RFNG: variants seen among roughly 807,000 people sequenced by gnomAD.
RFNG encodes the protein beta-1,3-N-acetylglucosaminyltransferase radical fringe.
Under a neutral mutation model 29.6 loss-of-function variants are expected in RFNG, and 37 were observed. That is an observed-to-expected ratio of 1.25 (90% CI 0.96 to 1.65). RFNG has a LOEUF of 1.65. Among genes scored for constraint, RFNG ranks in the 40% most tolerant of loss-of-function variants. The probability of loss-of-function intolerance (pLI) is 0.00; values close to 1 mark genes in which losing one functional copy is unlikely to be tolerated. For missense variants in RFNG, 546 were observed against 457.0 expected, an observed-to-expected ratio of 1.19 and a Z score of -1.78; for synonymous variants, 276 against 197.3, an observed-to-expected ratio of 1.40 and a Z score of -3.34.
intron 2 of RFNG, 49 bp from the exon 3 acceptor site, chr17:82,050,813 T>G: frequency 6.3e-7 from 1 of 1,582,610 alleles, no homozygotes; most frequent in Non-Finnish European, 8.6e-7. Flanking sequence ...GCACTGGGGT[T>G]GGGGTAAGGC....
rs2030468811 is a variant in RFNG at position 82,051,026 on chromosome 17, C to A, written c.317-262G>T. ...CTCGCCCTGACCTGGCCTGGAAGGG[C>A]GGATTCCCTGCTGGCGCTTCTTCAG... On this transcript the variant is annotated intron_variant, in intron 2 of 7. Coordinates refer to ENST00000310496, the MANE Select transcript of RFNG (RefSeq NM_002917.2). This position sits in a 1 kb window ranked among gnomAD's most constrained non-coding sequence, Gnocchi z 4.1. 5 of 1,394,626 alleles carry A rather than the reference C, an allele frequency of 3.6e-6. No individual in the cohort carries two copies. In the East Asian group the frequency reaches 1.3e-4, roughly 38 times the overall value. 86.4% of individuals were successfully genotyped at this position (1,394,626 alleles called of 1,614,324 possible).
Position 82,051,419 on chromosome 17 carries a change from G to A in RFNG, c.268-77C>T, listed in dbSNP as rs1168584553. 4.3e-6 allele frequency: 6 copies of A among 1,389,696 alleles called. No individual in the cohort carries two copies. Among genetic ancestry groups the A allele is most frequent in the South Asian group, 1.8e-5 (1 of 56,216 alleles). The allele number at this position is 1,389,696 out of a possible 1,614,324, so 86.1% of individuals were successfully genotyped here. On this transcript the variant is annotated intron_variant, in intron 1 of 7. Coordinates refer to ENST00000310496, the MANE Select transcript of RFNG (RefSeq NM_002917.2). This position sits in a 1 kb window ranked among gnomAD's most constrained non-coding sequence, Gnocchi z 4.1. Reference sequence around the variant, plus strand: ...CCGACCCGCCCCGCGCGGAGCCTCCGGGGGCCTGGGCCGGGCCTAGACCCT... The same window carrying A: ...CCGACCCGCCCCGCGCGGAGCCTCCAGGGGCCTGGGCCGGGCCTAGACCCT...
intron 7 of RFNG, 70 bp downstream of exon 7, chr17:82,048,961 C>G (rs533533309): frequency 1.3e-6 from 2 of 1,536,030 alleles, no homozygotes; most frequent in African/African-American, 2.7e-5. Context: ...GGGTCAGGGC[C>G]GTGGGTAGAG....
rs372010320 is a variant in RFNG at position 82,049,767 on chromosome 17, C to T, written c.738G>A (p.Gly246=). The change falls in exon 6 of 8, where the codon GGG becomes GGA. Residue 246 remains glycine, a synonymous_variant. Coordinates refer to ENST00000310496, the MANE Select transcript of RFNG (RefSeq NM_002917.2). ...TGTGCAGCAGGCGGGCGCCCAGGAG[C>T]CCCTCCACGATGTAGCCAACTGTGC... is the stretch of plus-strand genomic sequence containing the variant. ...DDCTVGYIVE[G]LLGARLLHSP... 56 of 1,524,952 alleles carry T rather than the reference C, an allele frequency of 3.7e-5. No homozygotes were observed. The highest frequency in any genetic ancestry group is 2.8e-5 in the Non-Finnish European group (32 of 1,139,700). 94.5% of individuals were successfully genotyped at this position (1,524,952 alleles called of 1,614,324 possible).
chr17:82,050,443 G>C lies in RFNG; in HGVS notation c.532C>G (p.His178Asp). The part of the protein sequence containing the change: ...DVYLGRPSLD[H>D]PIEATERVQG... Reference sequence around the variant, plus strand: ...ACCCTCTCGGTGGCCTCAATGGGGTGGTCCAGGCTGGGCCGCCCCAGGTAG... The same window carrying C: ...ACCCTCTCGGTGGCCTCAATGGGGTCGTCCAGGCTGGGCCGCCCCAGGTAG... The change falls in exon 4 of 8, where the codon CAC (histidine) becomes GAC (aspartate). Residue 178 changes from histidine to aspartate, a missense_variant. By Grantham distance (81) the His-to-Asp change is moderately conservative. Coordinates refer to ENST00000310496, the MANE Select transcript of RFNG (RefSeq NM_002917.2). The C allele has an allele frequency of 6.2e-7, 1 of 1,610,488 alleles. No individual in the cohort carries two copies. Among genetic ancestry groups the C allele is most frequent in the Non-Finnish European group, 8.5e-7 (1 of 1,179,046 alleles).
Position 82,049,696 on chromosome 17 carries a change from G to A in RFNG, c.809C>T (p.Pro270Leu), listed in dbSNP as rs1426835718. The change falls in exon 6 of 8, where the codon CCC (proline) becomes CTC (leucine). Residue 270 changes from proline (P) to leucine (L), a missense_variant. Pro to Leu is a moderately conservative substitution (Grantham distance 98). Coordinates refer to ENST00000310496, the MANE Select transcript of RFNG (RefSeq NM_002917.2). ...SHLENLQRLPPDTLLQQVTLS... is the reference protein window; with the variant it reads ...SHLENLQRLPLDTLLQQVTLS... ...CTGTACCTGCTGGAGCAGGGTGTCGGGCGGCAGCCTCTGCAGGTTCTCCAG... is the reference window on the plus strand; with the variant it reads ...CTGTACCTGCTGGAGCAGGGTGTCGAGCGGCAGCCTCTGCAGGTTCTCCAG... The A allele has an allele frequency of 6.8e-7, 1 of 1,480,246 alleles. No individual in the cohort carries two copies. The highest frequency in any genetic ancestry group is 1.4e-5 in the African/African-American group (1 of 70,640). 91.7% of individuals were successfully genotyped at this position (1,480,246 alleles called of 1,614,324 possible). A position where few individuals can be genotyped will look rare whatever the true frequency, so the allele number is the denominator to read the frequency against.
At chr17:82,050,810 G>A in intron 2 of RFNG, 46 bp from the exon 3 acceptor site, 15 of 1,586,128 alleles carry the variant, frequency 9.5e-6, no homozygotes, top group Non-Finnish European at 1.3e-5. Context: ...ATGGCACTGG[G>A]GTTGGGGTAA....
chr17:82,050,703 C>G lies in RFNG; in HGVS notation c.378G>C (p.Lys126Asn). The stretch of plus-strand genomic sequence containing the variant: ...TGAACTTGTCATACTCCACGGACAT[C>G]TTGCAGCAGAGGGCCTGACGAGTGC... ...AVRTRQALCC[K>N]MSVEYDKFIE... Residue 126 changes from lysine to asparagine, a missense_variant, in exon 3 of 8, where the codon AAG becomes AAC. Physicochemically the swap from Lys to Asn is moderately conservative, Grantham distance 94 (BLOSUM62 0). Coordinates refer to ENST00000310496, the MANE Select transcript of RFNG (RefSeq NM_002917.2). The G allele has an allele frequency of 6.2e-7, 1 of 1,613,320 alleles. No homozygotes were observed. Among genetic ancestry groups the G allele is most frequent in the Non-Finnish European group, 8.5e-7 (1 of 1,179,968 alleles).
chr17:82,050,402 A>T lies in RFNG; in HGVS notation c.573T>A (p.Thr191=). Residue 191 remains threonine, a splice_region_variant and synonymous_variant, in exon 4 of 8, where the codon ACT becomes ACA. Coordinates refer to ENST00000310496, the MANE Select transcript of RFNG (RefSeq NM_002917.2). The stretch of plus-strand genomic sequence containing the variant: ...CGATGGCGTCTGCTCCGACACTCAC[A>T]GTTCTGCCACCCTGGACCCTCTCGG... ...EATERVQGGR[T]VTTVKFWFAT... 1 of 1,569,380 alleles carries T rather than the reference A, an allele frequency of 6.4e-7. No individual in the cohort carries two copies. Among genetic ancestry groups the T allele is most frequent in the Non-Finnish European group, 8.6e-7 (1 of 1,162,982 alleles).
rs201911448 is a variant in RFNG at position 82,050,543 on chromosome 17, G to A, written c.432C>T (p.His144=). ...CGTTCACATAATTGTCATCATCCACGTGGCAAAACCACCTGTGGGCGAGGG... is the reference window on the plus strand; with the variant it reads ...CGTTCACATAATTGTCATCATCCACATGGCAAAACCACCTGTGGGCGAGGG... ...FIESGRKWFC[H]VDDDNYVNAR... The change falls in exon 4 of 8, where the codon CAC becomes CAT. Residue 144 remains histidine (H), a synonymous_variant. Coordinates refer to ENST00000310496, the MANE Select transcript of RFNG (RefSeq NM_002917.2). The A allele has an allele frequency of 7.4e-6, 12 of 1,611,796 alleles. No homozygotes were observed. Among genetic ancestry groups the A allele is most frequent in the Admixed American group, 1.7e-5 (1 of 59,902 alleles).
At chr17:82,048,859 G>C (rs763334584) in intron 7 of RFNG, 52 bp from the exon 8 acceptor site, 8 of 1,545,842 alleles carry the variant, frequency 5.2e-6, no homozygotes, top group African/African-American at 2.7e-5. Context: ...GAGAAGCGGG[G>C]GCCAGGGCCG....
At chr17:82,050,286 G>T in intron 4 of RFNG, 116 bp downstream of exon 4, 2 of 1,257,898 alleles carry the variant, frequency 1.6e-6, no homozygotes, top group Non-Finnish European at 2.2e-6. Context: ...GGGTGGATCA[G>T]CTTGGGCCCC....
intron 6 of RFNG, 147 bp downstream of exon 6, chr17:82,049,530 A>C: frequency 3.2e-6 from 3 of 933,914 alleles, no homozygotes; most frequent in South Asian, 2.8e-5. Flanking sequence ...CCAACAGGCC[A>C]AGGGGCCTGT....
Position 82,051,020 on chromosome 17 carries a change from G to A in RFNG, c.317-256C>T. 7.1e-7 allele frequency: 1 copy of A among 1,401,994 alleles called. No individual in the cohort carries two copies. Among genetic ancestry groups the A allele is most frequent in the Non-Finnish European group, 9.2e-7 (1 of 1,082,924 alleles). 86.8% of individuals were successfully genotyped at this position (1,401,994 alleles called of 1,614,324 possible). A position where few individuals can be genotyped will look rare whatever the true frequency, so the allele number is the denominator to read the frequency against. ...AGGCAGCTCGCCCTGACCTGGCCTG[G>A]AAGGGCGGATTCCCTGCTGGCGCTT... is the stretch of plus-strand genomic sequence containing the variant. On this transcript the variant is annotated intron_variant, in intron 2 of 7. Coordinates refer to ENST00000310496, the MANE Select transcript of RFNG (RefSeq NM_002917.2). This position sits in a 1 kb window ranked among gnomAD's most constrained non-coding sequence, Gnocchi z 4.1.
chr17:82,050,307 C>A, intron 4 of RFNG, 95 bp downstream of exon 4: 4 of 1,402,098 alleles, frequency 2.9e-6, no homozygotes, highest in Non-Finnish European at 3.8e-6. Context: ...CAACCCTATG[C>A]CCTTCTCAAG....
At chr17:82,050,829 C>A in intron 2 of RFNG, 65 bp from the exon 3 acceptor site, 1 of 1,526,574 alleles carries the variant, frequency 6.6e-7, no homozygotes, top group Non-Finnish European at 9.0e-7. Context: ...AAGGCCTGTG[C>A]CCCACCTGCC....
chr17:82,050,330 G>A (rs1223351955), intron 4 of RFNG, 72 bp downstream of exon 4: 23 of 1,479,472 alleles, frequency 1.6e-5, no homozygotes, highest in South Asian at 2.7e-5. Context: ...AGCTTTCCAC[G>A]CCCTCTGCTG....
chr17:82,050,951 G>T, intron 2 of RFNG, 187 bp from the exon 3 acceptor site: 1 of 1,423,982 alleles, frequency 7.0e-7, no homozygotes, highest in Non-Finnish European at 9.2e-7. Context: ...CGAGGCTGAA[G>T]CAGGCGGCCA....
At chr17:82,048,942 G>A in intron 7 of RFNG, 89 bp downstream of exon 7, 1 of 1,468,372 alleles carries the variant, frequency 6.8e-7, no homozygotes, top group South Asian at 1.2e-5. Flanking sequence ...TGGGCGGAGG[G>A]AGCAGCGGGG....
Sources: gnomAD v4.1 joint callset for allele counts on GRCh38, gnomAD v4.1.1 for gene constraint, Gnocchi (gnomAD v3.1) non-coding constraint, MANE v1.5 for transcripts, NCBI Gene and HGNC (gene_info 2026-07-23, HGNC 2026-07-21) for gene names.